ANKS1B: variants seen among roughly 807,000 people sequenced by gnomAD.
ANKS1B encodes the protein ankyrin repeat and sterile alpha motif domain-containing protein 1B.
ANKS1B carries 36 observed loss-of-function variants against 148.3 expected under a neutral mutation model. The ratio of observed to expected loss-of-function variants is 0.24; its 90% CI spans 0.19 to 0.32. ANKS1B has a LOEUF of 0.32. ANKS1B is among the 10% of genes least tolerant of loss of function. The pLI, the probability that ANKS1B is intolerant of heterozygous loss-of-function variation, is 1.00. For missense variants in ANKS1B, 1,157 were observed against 1,542.6 expected, an observed-to-expected ratio of 0.75 and a Z score of 4.19; for synonymous variants, 542 against 560.8, an observed-to-expected ratio of 0.97 and a Z score of 0.47.
chr12:99,347,193 T>C (rs1252380851), intron 12 of ANKS1B, among the ~76,000 whole-genome samples: 1 of 151,932 alleles, frequency 6.6e-6, no homozygotes, highest in Non-Finnish European at 1.5e-5. Flanking sequence ...TCTATATAAA[T>C]ACTTAATAGC....
chr12:99,301,365 G>T (rs538035036), intron 12 of ANKS1B, among the ~76,000 whole-genome samples: 1 of 151,638 alleles, frequency 6.6e-6, no homozygotes, highest in Non-Finnish European at 1.5e-5. Flanking sequence ...TACACCAGAG[G>T]AAAAAAGAAA....
chr12:99,591,253 G>T (rs184181744), intron 9 of ANKS1B, among the ~76,000 whole-genome samples: 1 of 151,590 alleles, frequency 6.6e-6, no homozygotes, highest in Non-Finnish European at 1.5e-5. Flanking sequence ...AATTTATCTC[G>T]TTCGATAAAA....
At chr12:99,236,985 AAAT>A (rs2088098550) in intron 14 of ANKS1B, among the ~76,000 whole-genome samples, 1 of 152,178 alleles carries the variant, frequency 6.6e-6, no homozygotes, top group African/African-American at 2.4e-5. Context: ...GAGTCAGGAA[AAAT>A]AATGGGTACT....
intron 11 of ANKS1B, among the ~76,000 whole-genome samples, chr12:99,411,170 C>T (rs1478261237): frequency 6.6e-6 from 1 of 152,152 alleles, no homozygotes; most frequent in African/African-American, 2.4e-5. Flanking sequence ...TTCCCATAAA[C>T]CGCCTTACAA....
intron 9 of ANKS1B, among the ~76,000 whole-genome samples, chr12:99,558,278 A>G (rs1261884107): frequency 6.6e-6 from 1 of 152,132 alleles, no homozygotes; most frequent in South Asian, 2.1e-4. Context: ...GTCAGAGTCC[A>G]TGTGCACATC....
chr12:99,276,882 T>A (rs931363159), intron 12 of ANKS1B, among the ~76,000 whole-genome samples: 4 of 152,172 alleles, frequency 2.6e-5, no homozygotes, highest in Non-Finnish European at 4.4e-5. Context: ...CCTTTAATAG[T>A]CTTGTAATAT....
downstream of ANKS1B, among the ~76,000 whole-genome samples, chr12:98,741,972 G>A (rs1185960410): frequency 6.6e-6 from 1 of 152,146 alleles, no homozygotes; most frequent in Non-Finnish European, 1.5e-5. Flanking sequence ...ATTAAATTGG[G>A]TATTGAATAT....
intron 17 of ANKS1B, among the ~76,000 whole-genome samples, chr12:99,034,559 A>G (rs1340427863): frequency 1.3e-5 from 2 of 152,024 alleles, no homozygotes; most frequent in Non-Finnish European, 2.9e-5. Flanking sequence ...CAAGCAATCC[A>G]CCTGCCTTGG....
intron 14 of ANKS1B, among the ~76,000 whole-genome samples, chr12:99,164,844 A>G: frequency 6.6e-6 from 1 of 152,016 alleles, no homozygotes; most frequent in East Asian, 1.9e-4. Flanking sequence ...AAGAGTCTTT[A>G]TTTAATATTT....
chr12:99,897,088 G>C (rs1406944581), intron 1 of ANKS1B, among the ~76,000 whole-genome samples: 1 of 150,998 alleles, frequency 6.6e-6, no homozygotes, highest in Admixed American at 6.6e-5. Flanking sequence ...AAGTAAATGA[G>C]ATAGCACAAA....
chr12:98,926,867 A>T (rs1397984859), intron 17 of ANKS1B, among the ~76,000 whole-genome samples: 2 of 152,102 alleles, frequency 1.3e-5, no homozygotes, highest in Non-Finnish European at 2.9e-5. Context: ...AGTATCAAAG[A>T]CCTGTGCAGT....
At chr12:99,037,285 G>C (rs926271498) in intron 17 of ANKS1B, among the ~76,000 whole-genome samples, 9 of 152,104 alleles carry the variant, frequency 5.9e-5, no homozygotes, top group Admixed American at 2.0e-4. Flanking sequence ...GGGAGGCCGT[G>C]GTGGGCAGAT....
intron 3 of ANKS1B, among the ~76,000 whole-genome samples, chr12:99,811,200 T>C (rs2068311533): frequency 6.6e-6 from 1 of 151,904 alleles, no homozygotes; most frequent in Non-Finnish European, 1.5e-5. Flanking sequence ...TTTACAGCAA[T>C]TGTTACTTTT....
At chr12:99,967,918 A>AG (rs1566105210) in intron 1 of ANKS1B, among the ~76,000 whole-genome samples, 1 of 151,720 alleles carries the variant, frequency 6.6e-6, no homozygotes, top group African/African-American at 2.4e-5. Flanking sequence ...AAAAAAAAAA[A>AG]AAAAAGAAAA....
chr12:99,346,176 T>G (rs1388899462), intron 12 of ANKS1B, among the ~76,000 whole-genome samples: 1 of 152,044 alleles, frequency 6.6e-6, no homozygotes, highest in African/African-American at 2.4e-5. Flanking sequence ...CAATGCTGAT[T>G]GGGATATCAT....
intron 9 of ANKS1B, among the ~76,000 whole-genome samples, chr12:99,583,851 T>C (rs1567407315): frequency 6.6e-6 from 1 of 152,202 alleles, no homozygotes; most frequent in Non-Finnish European, 1.5e-5. Flanking sequence ...CACAGGTACA[T>C]AGATTCGCAT....
intron 9 of ANKS1B, among the ~76,000 whole-genome samples, chr12:99,539,472 CT>C (rs1425321431): frequency 1.3e-5 from 2 of 151,504 alleles, no homozygotes; most frequent in Non-Finnish European, 2.9e-5. Flanking sequence ...AGAATACCAA[CT>C]AAAAAATAAC....
At chr12:99,901,729 T>A (rs1191799630) in intron 1 of ANKS1B, among the ~76,000 whole-genome samples, 4 of 152,228 alleles carry the variant, frequency 2.6e-5, no homozygotes, top group African/African-American at 9.6e-5. Flanking sequence ...TACTACATTA[T>A]GCTTCATATT....
Position 99,050,922 on chromosome 12 carries a change from C to T in ANKS1B, c.2778+2235G>A, listed in dbSNP as rs80086026. Among the ~76,000 whole-genome samples, 7 of 151,544 alleles carry T rather than the reference C, an allele frequency of 4.6e-5. No homozygotes were observed. The East Asian group carries it at 1.4e-3, about 30-fold the overall frequency. On this transcript the variant is annotated intron_variant, in intron 17 of 26. Coordinates refer to ENST00000683438, the MANE Select transcript of ANKS1B (RefSeq NM_001352186.2). ...ACCATGTTAGCCAGGATGGTCTGAT[C>T]TCCTGATGTTGTGATCCGCCCGCCT... is the stretch of plus-strand genomic sequence containing the variant.
Sources: gnomAD v4.1 joint callset for allele counts (sites outside exome capture counted in the v4.1 genomes callset) on GRCh38, gnomAD v4.1.1 for gene constraint, MANE v1.5 for transcripts, NCBI Gene and HGNC (gene_info 2026-07-23, HGNC 2026-07-21) for gene names.